The following RDH10 variants were observed in gnomAD, a reference collection of about 807,000 sequenced individuals.
The protein encoded by RDH10 is retinol dehydrogenase 10.
In RDH10, 12 loss-of-function variants were observed where a neutral mutation model predicts 30.2. That is an observed-to-expected ratio of 0.40 (90% CI 0.25 to 0.64). The LOEUF (loss-of-function observed/expected upper bound fraction) is 0.64. RDH10 is among the 30% of genes least tolerant of loss of function. The probability of loss-of-function intolerance (pLI) is 0.43; values close to 1 mark genes in which losing one functional copy is unlikely to be tolerated. For missense variants in RDH10, 268 were observed against 445.2 expected (o/e 0.60, Z 3.58); for synonymous variants, 189 against 172.2 (o/e 1.10, Z -0.76).
At chr8:73,312,223 A>G (rs1814576262) in intron 2 of RDH10, 1 of 152,210 alleles carries the variant, frequency 6.6e-6, no homozygotes, top group Non-Finnish European at 1.5e-5. Flanking sequence ...GCATTATAGG[A>G]GGTATGGTCC....
intron 2 of RDH10, among the ~76,000 whole-genome samples, chr8:73,304,765 T>G (rs1299348763): frequency 1.3e-5 from 2 of 152,284 alleles, no homozygotes; most frequent in African/African-American, 4.8e-5. Context: ...GTTGAATAGT[T>G]CAGAAAAAAA....
chr8:73,296,084 T>C (rs1280200477), intron 1 of RDH10, among the ~76,000 whole-genome samples: 1 of 152,212 alleles, frequency 6.6e-6, no homozygotes, highest in African/African-American at 2.4e-5. Context: ...CAGCGATAAG[T>C]GCTTTAGTTA....
chr8:73,301,967 G>A (rs986641263), intron 2 of RDH10, among the ~76,000 whole-genome samples: 7 of 152,204 alleles, frequency 4.6e-5, no homozygotes, highest in African/African-American at 1.7e-4. Context: ...TAAGGCTGGT[G>A]TTGGTATGCC....
At position 73,323,026 on chromosome 8, in the gene RDH10, A is replaced by C. The variant is rs777696135; in HGVS notation, c.1016A>C (p.Asn339Thr). 1 of 1,612,902 alleles carries C rather than the reference A, an allele frequency of 6.2e-7. No individual in the cohort carries two copies. Among genetic ancestry groups the C allele is most frequent in the Non-Finnish European group, 8.5e-7 (1 of 1,178,888 alleles). The stretch of plus-strand genomic sequence containing the variant: ...GCCACAAACAATAATGAAGCAAAAA[A>C]TGGAATCTAAGAATCTTTTTGTATG... ...KQATNNNEAK[N>T]GI Residue 339 changes from asparagine to threonine, a missense_variant, in exon 6 of 6, where the codon AAT becomes ACT. Asn to Thr is a moderately conservative substitution (Grantham distance 65). Coordinates refer to ENST00000240285, the MANE Select transcript of RDH10 (RefSeq NM_172037.5).
intron 2 of RDH10, among the ~76,000 whole-genome samples, chr8:73,313,701 A>G (rs2130372758): frequency 6.6e-6 from 1 of 152,312 alleles, no homozygotes; most frequent in East Asian, 1.9e-4. Flanking sequence ...CCCCTAGATC[A>G]AGAGTCAACC....
In RDH10 at chr8:73,322,601, G is replaced by A. The variant is rs1432362551; in HGVS notation, c.771-78G>A. ...ATCCCATCACTCAGATAACATCACT[G>A]TTAATGTTTTGATATGTATTTCCAG... On this transcript the variant is annotated intron_variant, in intron 4 of 5. Transcript: ENST00000240285. 3 of 1,193,114 alleles carry A rather than the reference G, an allele frequency of 2.5e-6. No individual in the cohort carries two copies. The Admixed American group carries it at 6.1e-5, about 24-fold the overall frequency. 73.9% of individuals were successfully genotyped at this position (1,193,114 alleles called of 1,614,324 possible).
At chr8:73,313,737 G>A (rs1814613477) in intron 2 of RDH10, among the ~76,000 whole-genome samples, 1 of 152,038 alleles carries the variant, frequency 6.6e-6, no homozygotes, top group South Asian at 2.1e-4. Flanking sequence ...AGAACTTGAT[G>A]TCCTCTTCTG....
intron 2 of RDH10, among the ~76,000 whole-genome samples, chr8:73,317,687 G>A (rs1398070248): frequency 2.0e-5 from 3 of 152,146 alleles, no homozygotes; most frequent in Admixed American, 6.5e-5. Context: ...TTAGGAGGCC[G>A]AGATGGGAGG....
At chr8:73,310,497 C>T (rs767549428) in intron 2 of RDH10, among the ~76,000 whole-genome samples, 1 of 152,182 alleles carries the variant, frequency 6.6e-6, no homozygotes, top group South Asian at 2.1e-4. Context: ...TGCAGATGGC[C>T]GGAGCAGTGG....
At chr8:73,296,306 A>G (rs1814265610) in intron 1 of RDH10, among the ~76,000 whole-genome samples, 1 of 152,132 alleles carries the variant, frequency 6.6e-6, no homozygotes, top group Admixed American at 6.5e-5. Flanking sequence ...AGGAAATTTG[A>G]TAATGGCTGT....
chr8:73,300,315 G>C (rs62509789), intron 2 of RDH10: 1 of 152,094 alleles, frequency 6.6e-6, no homozygotes, highest in Non-Finnish European at 1.5e-5. Flanking sequence ...TTTAACAGGG[G>C]TTAAGGAGTG....
intron 2 of RDH10, chr8:73,315,450 A>T (rs2130375060): frequency 3.0e-6 from 1 of 333,340 alleles, no homozygotes; most frequent in East Asian, 7.8e-5. Flanking sequence ...ATTTAATTTA[A>T]TACCACCAGA....
intron 2 of RDH10, among the ~76,000 whole-genome samples, chr8:73,298,415 C>T (rs1043600801): frequency 2.0e-5 from 3 of 152,216 alleles, no homozygotes; most frequent in Non-Finnish European, 2.9e-5. Context: ...AAAACTTAAT[C>T]TGGCATTAAA....
At chr8:73,303,157 T>G (rs1369297632) in intron 2 of RDH10, among the ~76,000 whole-genome samples, 4 of 152,156 alleles carry the variant, frequency 2.6e-5, no homozygotes, top group Non-Finnish European at 4.4e-5. Flanking sequence ...TAAAGTCTAT[T>G]TAGTTAAAAT....
rs764550337 is a variant in RDH10 at position 73,297,447 on chromosome 8, T to C, written c.525+18T>C. 6.4e-7 allele frequency: 1 copy of C among 1,555,186 alleles called. No individual in the cohort carries two copies. The highest frequency in any genetic ancestry group is 1.7e-5 in the Admixed American group (1 of 59,946). On this transcript the variant is annotated intron_variant, in intron 2 of 5. Transcript: ENST00000240285. ...ACTTCTGGGTAAATATAAACATCCT[T>C]GTTTTCTTTGCTGGGCCCTCCTTAA...
At chr8:73,301,549 G>A (rs1381164963) in intron 2 of RDH10, among the ~76,000 whole-genome samples, 3 of 151,698 alleles carry the variant, frequency 2.0e-5, no homozygotes, top group Non-Finnish European at 4.4e-5. Context: ...CTTGATGTCA[G>A]GAGTTCGAGA....
intron 2 of RDH10, among the ~76,000 whole-genome samples, chr8:73,316,051 C>CT (rs1384818969): frequency 1.3e-5 from 2 of 152,176 alleles, no homozygotes; most frequent in East Asian, 3.8e-4. Flanking sequence ...GGGTCTCGCT[C>CT]TGTCGCCTAG....
In RDH10 at chr8:73,319,227, A is replaced by G. The variant is rs1814724502; in HGVS notation, c.624+33A>G. 2.8e-6 allele frequency: 4 copies of G among 1,452,002 alleles called. No homozygotes were observed. The African/African-American group carries it at 4.2e-5, about 15-fold the overall frequency. The allele number at this position is 1,452,002 out of a possible 1,614,324, so 89.9% of individuals were successfully genotyped here. ...AGATATATAGCATTTCTTTCGTTCA[A>G]TCTGTTTATCCTGTGATAAGTACAC... On this transcript the variant is annotated intron_variant, in intron 3 of 5. Transcript: ENST00000240285.
chr8:73,309,188 A>C (rs530932784), intron 2 of RDH10, among the ~76,000 whole-genome samples: 1 of 152,134 alleles, frequency 6.6e-6, no homozygotes, highest in East Asian at 1.9e-4. Flanking sequence ...TATTTTTTAA[A>C]TTTTGATTCA....
Sources: gnomAD v4.1 joint callset for allele counts (sites outside exome capture counted in the v4.1 genomes callset) on GRCh38, gnomAD v4.1.1 for gene constraint, MANE v1.5 for transcripts, NCBI Gene and HGNC (gene_info 2026-07-23, HGNC 2026-07-21) for gene names.